The following AVEN variants were observed in gnomAD, a reference collection of about 807,000 sequenced individuals.
AVEN encodes the protein cell death regulator Aven.
Under a neutral mutation model 38.1 loss-of-function variants are expected in AVEN, and 41 were observed. The ratio of observed to expected loss-of-function variants is 1.08; its 90% CI spans 0.84 to 1.40. AVEN has a LOEUF of 1.40. Among genes scored for constraint, AVEN ranks in the 40% most tolerant of loss-of-function variants. The pLI, the probability that AVEN is intolerant of heterozygous loss-of-function variation, is 0.00. For synonymous variants in AVEN, 206 were observed against 171.8 expected (o/e 1.20, Z -1.56); for missense variants, 605 against 438.8 (o/e 1.38, Z -3.38).
chr15:33,905,820 G>A (rs10152356), intron 2 of AVEN, among the ~76,000 whole-genome samples: 67,793 of 108,304 alleles, frequency 0.63, 17,239 homozygotes, highest in East Asian at 0.69. Context: ...ACCTTGTTTC[G>A]GGAAAGAAAA....
intron 2 of AVEN, among the ~76,000 whole-genome samples, chr15:33,894,580 C>T (rs975186525): frequency 2.7e-5 from 4 of 145,536 alleles, no homozygotes; most frequent in African/African-American, 7.7e-5. Context: ...GAGGCCGAGG[C>T]AGGGGGACTG....
chr15:34,071,866 C>G (rs975822925), intron 1 of AVEN, among the ~76,000 whole-genome samples: 1 of 152,154 alleles, frequency 6.6e-6, no homozygotes, highest in African/African-American at 2.4e-5. Context: ...AAAGATAGGA[C>G]TTATCAATAA....
At chr15:34,059,990 G>A (rs1900283078) in intron 5 of AVEN, among the ~76,000 whole-genome samples, 1 of 149,728 alleles carries the variant, frequency 6.7e-6, no homozygotes, top group Admixed American at 6.7e-5. Context: ...GGAGAGGAAG[G>A]AAGAAAAGAA....
Position 33,867,686 on chromosome 15 carries a change from C to G in AVEN, c.782G>C (p.Ser261Thr). The G allele has an allele frequency of 6.2e-7, 1 of 1,614,152 alleles. No individual in the cohort carries two copies. ...CPVLLGKDNP[S>T]PGPSRDSQKP... ...CTGAGAATCCCTTGAAGGACCCGGG[C>G]TTGGGTTGTCTTTGCCCAGCAACAC... is the stretch of plus-strand genomic sequence containing the variant. Residue 261 changes from serine (S) to threonine (T), a missense_variant, in exon 5 of 6, where the codon AGC becomes ACC. By Grantham distance (58) the Ser-to-Thr change is moderately conservative. Coordinates refer to ENST00000306730, the MANE Select transcript of AVEN (RefSeq NM_020371.3).
chr15:33,953,090 G>A (rs1333509165), intron 2 of AVEN, among the ~76,000 whole-genome samples: 1 of 151,980 alleles, frequency 6.6e-6, no homozygotes, highest in Non-Finnish European at 1.5e-5. Context: ...GGGATGTGAA[G>A]GACCTCTTCA....
At chr15:34,014,391 C>A (rs7179291) in intron 1 of AVEN, among the ~76,000 whole-genome samples, 20,666 of 30,756 alleles carry the variant, frequency 0.67, 6,589 homozygotes, top group African/African-American at 0.77. Context: ...AAAACAAAAA[C>A]AAAAACCACG....
intron 1 of AVEN, among the ~76,000 whole-genome samples, chr15:34,009,668 T>C (rs988943974): frequency 2.6e-5 from 4 of 152,034 alleles, no homozygotes; most frequent in Non-Finnish European, 5.9e-5. Flanking sequence ...GGCTGTTACA[T>C]AATAATAAAA....
intron 2 of AVEN, among the ~76,000 whole-genome samples, chr15:34,002,250 C>T (rs749932857): frequency 5.3e-5 from 8 of 152,330 alleles, no homozygotes; most frequent in Middle Eastern, 6.8e-3. Context: ...TCTGCCACCG[C>T]AGTCAAGATA....
At chr15:34,065,815 C>T (rs1306017072) in intron 4 of AVEN, 1 of 152,196 alleles carries the variant, frequency 6.6e-6, no homozygotes, top group Non-Finnish European at 1.5e-5. Flanking sequence ...TGAAGCACTC[C>T]TGTCAGACAT....
downstream of AVEN, chr15:33,865,118 C>CATATT (rs759768457): frequency 6.9e-6 from 11 of 1,600,458 alleles, no homozygotes; most frequent in East Asian, 2.5e-4. Flanking sequence ...ACCCGTTGTT[C>CATATT]ATATTATTTC....
At chr15:33,865,055 C>A, downstream of AVEN, 1 of 1,158,364 alleles carries the variant, frequency 8.6e-7, no homozygotes. Context: ...AAGGGAGCCA[C>A]AAAGAACAAA....
chr15:33,981,520 T>A (rs1023498026), intron 2 of AVEN, among the ~76,000 whole-genome samples: 1 of 152,160 alleles, frequency 6.6e-6, no homozygotes, highest in Non-Finnish European at 1.5e-5. Flanking sequence ...GAAACACAAG[T>A]TTCCCAAACA....
chr15:33,866,661 A>G lies in AVEN; in HGVS notation c.1041T>C (p.Asn347=). 1 of 1,613,988 alleles carries G rather than the reference A, an allele frequency of 6.2e-7. No homozygotes were observed. Among genetic ancestry groups the G allele is most frequent in the Non-Finnish European group, 8.5e-7 (1 of 1,179,950 alleles). The change falls in exon 6 of 6, where the codon AAT becomes AAC. Residue 347 remains asparagine, a synonymous_variant. Transcript: ENST00000306730. The stretch of plus-strand genomic sequence containing the variant: ...AGTCTTCCAGCTCTTCCTCGGTAAC[A>G]TTTTTGGAGGTACTTGGTTGCTCAG... ...MEPEQPSTSK[N]VTEEELEDWL...
At chr15:33,873,068 CA>C (rs1308282815) in intron 3 of AVEN, among the ~76,000 whole-genome samples, 3 of 144,704 alleles carry the variant, frequency 2.1e-5, no homozygotes, top group Non-Finnish European at 4.5e-5. Context: ...ACTGCAAAGA[CA>C]AAACATATTT....
rs953933720 is a variant in AVEN at position 34,012,853 on chromosome 15, G to A, written c.268-9644C>T. Among the ~76,000 whole-genome samples the A allele has an allele frequency of 5.3e-5, 8 of 152,092 alleles. No homozygotes were observed. The East Asian group carries it at 1.3e-3, about 26-fold the overall frequency. ...ATCACATTGCACCAGTCTGTCCTAC[G>A]GCTAGGTTCTGGGGTTATGTTTACT... is the stretch of plus-strand genomic sequence containing the variant. On this transcript the variant is annotated intron_variant, in intron 1 of 5. Coordinates refer to ENST00000306730, the MANE Select transcript of AVEN (RefSeq NM_020371.3).
upstream of AVEN, among the ~76,000 whole-genome samples, chr15:34,039,961 C>G (rs552182823): frequency 5.3e-5 from 8 of 152,290 alleles, no homozygotes; most frequent in Middle Eastern, 6.8e-3. Flanking sequence ...TACACAGATG[C>G]ATGAAAGCAG....
intron 2 of AVEN, among the ~76,000 whole-genome samples, chr15:33,933,524 C>CACACAG (rs1893945145): frequency 8.6e-5 from 4 of 46,586 alleles, no homozygotes; most frequent in Non-Finnish European, 1.8e-4. Context: ...CACACACACA[C>CACACAG]AGAGAGAGAG....
At chr15:34,027,437 G>A (rs528375656) in intron 1 of AVEN, among the ~76,000 whole-genome samples, 77 of 151,474 alleles carry the variant, frequency 5.1e-4, no homozygotes, top group African/African-American at 1.4e-3. Flanking sequence ...GCTGAGGCAG[G>A]AGAATCGCTT....
At chr15:33,887,993 G>C (rs947565714) in intron 2 of AVEN, among the ~76,000 whole-genome samples, 8 of 152,200 alleles carry the variant, frequency 5.3e-5, no homozygotes, top group Middle Eastern at 3.4e-3. Context: ...CTCAGGGAGA[G>C]CAGATGAGAA....
Sources: gnomAD v4.1 joint callset for allele counts (sites outside exome capture counted in the v4.1 genomes callset) on GRCh38, gnomAD v4.1.1 for gene constraint, MANE v1.5 for transcripts, NCBI Gene and HGNC (gene_info 2026-07-23, HGNC 2026-07-21) for gene names.